DGKZ: variants seen among roughly 807,000 people sequenced by gnomAD.
The protein encoded by DGKZ is DAG kinase zeta.
DGKZ carries 45 observed loss-of-function variants against 142.5 expected under a neutral mutation model. The ratio of observed to expected loss-of-function variants is 0.32; its 90% CI spans 0.25 to 0.40. The LOEUF is 0.40. DGKZ is among the 10% of genes least tolerant of loss of function. The probability of loss-of-function intolerance (pLI) is 1.00; values close to 1 mark genes in which losing one functional copy is unlikely to be tolerated. For missense variants in DGKZ, 755 were observed against 1,306.5 expected, an observed-to-expected ratio of 0.58 and a Z score of 6.51; for synonymous variants, 442 against 527.0, an observed-to-expected ratio of 0.84 and a Z score of 2.21.
intron 1 of DGKZ, chr11:46,361,780 G>A: frequency 1.5e-6 from 1 of 671,396 alleles, no homozygotes; most frequent in South Asian, 6.6e-5. Flanking sequence ...GTGCGGGGAG[G>A]GTTGGATCCG....
At chr11:46,373,291 T>G (rs972804969) in intron 14 of DGKZ, among the ~76,000 whole-genome samples, 190 bp downstream of exon 14, 14 of 141,586 alleles carry the variant, frequency 9.9e-5, no homozygotes, top group African/African-American at 1.6e-4. Context: ...TTTTGTTTTT[T>G]TTTTTTTTTT....
intron 1 of DGKZ, chr11:46,365,538 A>G (rs945301281): frequency 9.1e-6 from 9 of 985,296 alleles, no homozygotes; most frequent in South Asian, 9.4e-5. Context: ...GGAGAGCCAG[A>G]CAGTGACTCT....
At chr11:46,347,262 G>C (rs1940728839), upstream of DGKZ, 10 of 971,502 alleles carry the variant, frequency 1.0e-5, no homozygotes, top group Non-Finnish European at 1.2e-5. The surrounding 1 kb of genome is among the most constrained non-coding windows in gnomAD (Gnocchi z 6.4). Flanking sequence ...AGGCGGGCCG[G>C]GCCGGGCTGG....
Position 46,375,650 on chromosome 11 carries a change from C to A in DGKZ, c.1910+19C>A. On this transcript the variant is annotated intron_variant, in intron 20 of 30. Coordinates refer to ENST00000527911, the Ensembl canonical transcript of DGKZ. Reference sequence around the variant, plus strand: ...ACAGCGAGTACGTCCCACCCTGCCACGTGCCCTGGGTGCCAAGGCCAGACC... The same window carrying A: ...ACAGCGAGTACGTCCCACCCTGCCAAGTGCCCTGGGTGCCAAGGCCAGACC... 1 of 1,540,886 alleles carries A rather than the reference C, an allele frequency of 6.5e-7. No homozygotes were observed. The highest frequency in any genetic ancestry group is 8.7e-7 in the Non-Finnish European group (1 of 1,147,522).
intron 1 of DGKZ, chr11:46,366,020 C>T (rs538635912): frequency 6.1e-6 from 6 of 985,380 alleles, no homozygotes; most frequent in South Asian, 4.7e-5. Context: ...CAGCTGTAAA[C>T]GTGGGCTCCC....
At position 46,367,117 on chromosome 11, in the gene DGKZ, G is replaced by T. The variant is rs187890828; in HGVS notation, c.162-174G>T. On this transcript the variant is annotated intron_variant, in intron 1 of 30. Coordinates refer to ENST00000527911, the Ensembl canonical transcript of DGKZ. This position sits in a 1 kb window ranked among gnomAD's most constrained non-coding sequence, Gnocchi z 4.1. Reference sequence around the variant, plus strand: ...CTCTGGGCAGTACCCTGAAGCCAGCGTACCCCAAAAGGCCATGTCTCTTGC... The same window carrying T: ...CTCTGGGCAGTACCCTGAAGCCAGCTTACCCCAAAAGGCCATGTCTCTTGC... 1,075 of 1,313,470 alleles carry T rather than the reference G, an allele frequency of 8.2e-4. 3 individuals carry two copies. The African/African-American group carries it at 0.015, about 18-fold the overall frequency. 81.4% of individuals were successfully genotyped at this position (1,313,470 alleles called of 1,614,324 possible).
At position 46,367,894 on chromosome 11, in the gene DGKZ, C is replaced by G; in HGVS notation, c.367-108C>G. ...GGGGTGCAGGGGCTTTGTCCGGATGCCAGGACTGGGGCTTCCCAGTGCACA... is the reference window on the plus strand; with the variant it reads ...GGGGTGCAGGGGCTTTGTCCGGATGGCAGGACTGGGGCTTCCCAGTGCACA... On this transcript the variant is annotated intron_variant, in intron 3 of 30. Transcript: ENST00000527911. The surrounding 1 kb of genome is among the most constrained non-coding windows in gnomAD (Gnocchi z 4.1). 6.6e-7 allele frequency: 1 copy of G among 1,519,504 alleles called. No individual in the cohort carries two copies. Among genetic ancestry groups the G allele is most frequent in the East Asian group, 2.3e-5 (1 of 44,306 alleles). 94.1% of individuals were successfully genotyped at this position (1,519,504 alleles called of 1,614,324 possible).
intron 1 of DGKZ, among the ~76,000 whole-genome samples, chr11:46,349,087 G>A (rs957181539): frequency 8.5e-5 from 13 of 152,140 alleles, no homozygotes; most frequent in Non-Finnish European, 7.3e-5. Flanking sequence ...CCCTCTACCC[G>A]TCTCACCCGG....
At chr11:46,340,840 A>G (rs1339539714) in intron 1 of DGKZ, among the ~76,000 whole-genome samples, 5 of 152,202 alleles carry the variant, frequency 3.3e-5, no homozygotes, top group Non-Finnish European at 4.4e-5. Flanking sequence ...ATGGGGAGGC[A>G]TGCACTTAAA....
At position 46,370,088 on chromosome 11, in the gene DGKZ, G is replaced by A. The variant is rs1009547365; in HGVS notation, c.570+79G>A. 21 of 1,559,518 alleles carry A rather than the reference G, an allele frequency of 1.3e-5. No homozygotes were observed. In the East Asian group the frequency reaches 2.0e-4, roughly 15 times the overall value. Reference sequence around the variant, plus strand: ...GGCCATGTGGCCGGTGTGGCCTGCCGATCACTGACCACACCCTGGTGTGCA... The same window carrying A: ...GGCCATGTGGCCGGTGTGGCCTGCCAATCACTGACCACACCCTGGTGTGCA... On this transcript the variant is annotated intron_variant, in intron 6 of 30. Coordinates refer to ENST00000527911, the Ensembl canonical transcript of DGKZ.
At chr11:46,334,476 G>A (rs1427291130) in intron 1 of DGKZ, among the ~76,000 whole-genome samples, 2 of 152,232 alleles carry the variant, frequency 1.3e-5, no homozygotes, top group African/African-American at 4.8e-5. Context: ...TTCTCCCAGT[G>A]GCTTCTGGGA....
chr11:46,365,484 A>T, intron 1 of DGKZ: 1 of 985,288 alleles, frequency 1.0e-6, no homozygotes, highest in South Asian at 4.7e-5. Context: ...GCCTATTGTC[A>T]CGGCCCCCTG....
At chr11:46,339,214 G>A (rs1031219928) in intron 1 of DGKZ, among the ~76,000 whole-genome samples, 4 of 152,166 alleles carry the variant, frequency 2.6e-5, no homozygotes, top group African/African-American at 4.8e-5. Context: ...CTCTCCCTGC[G>A]GCTATTTACC....
upstream of DGKZ, chr11:46,347,382 C>T: frequency 2.0e-6 from 2 of 984,088 alleles, no homozygotes; most frequent in Non-Finnish European, 2.4e-6. The surrounding 1 kb of genome is among the most constrained non-coding windows in gnomAD (Gnocchi z 6.4). Flanking sequence ...CCCGGTGCCA[C>T]CGTGCGGCCG....
At chr11:46,359,446 A>G (rs762520596) in intron 1 of DGKZ, among the ~76,000 whole-genome samples, 2 of 152,162 alleles carry the variant, frequency 1.3e-5, no homozygotes, top group Non-Finnish European at 2.9e-5. Flanking sequence ...ACTCCATCTC[A>G]AAAATAAAAT....
At chr11:46,351,050 G>A (rs1941322243) in intron 1 of DGKZ, among the ~76,000 whole-genome samples, 1 of 152,016 alleles carries the variant, frequency 6.6e-6, no homozygotes, top group African/African-American at 2.4e-5. Flanking sequence ...CAGAGGGCAG[G>A]CAGGACCTTT....
At chr11:46,344,583 A>G (rs1940451956), upstream of DGKZ, among the ~76,000 whole-genome samples, 1 of 151,534 alleles carries the variant, frequency 6.6e-6, no homozygotes, top group South Asian at 2.1e-4. Context: ...CCTCCCAAGT[A>G]GCTGTGATTA....
downstream of DGKZ, chr11:46,380,363 C>CG (rs1945079586): frequency 6.3e-6 from 1 of 159,586 alleles, no homozygotes; most frequent in Non-Finnish European, 1.4e-5. Flanking sequence ...CCACCTCCTC[C>CG]GGGCTTCCTC....
chr11:46,367,587 CG>C lies in DGKZ; in HGVS notation c.271-60del, dbSNP rs1943459020. ...TTTGTCTTGGGAGAGGGCGGGTGGG[CG>C]GGGGCTGATGGGAGGGAGGGCTGGG... On this transcript the variant is annotated intron_variant, in intron 2 of 30. Transcript: ENST00000527911. This position sits in a 1 kb window ranked among gnomAD's most constrained non-coding sequence, Gnocchi z 4.1. 3 of 1,053,832 alleles carry C rather than the reference CG, an allele frequency of 2.8e-6. No individual in the cohort carries two copies. Among genetic ancestry groups the C allele is most frequent in the African/African-American group, 6.7e-5 (2 of 30,062 alleles). 65.3% of individuals were successfully genotyped at this position (1,053,832 alleles called of 1,614,324 possible). A position where few individuals can be genotyped will look rare whatever the true frequency, so the allele number is the denominator to read the frequency against.
Sources: gnomAD v4.1 joint callset for allele counts (sites outside exome capture counted in the v4.1 genomes callset) on GRCh38, gnomAD v4.1.1 for gene constraint, Gnocchi (gnomAD v3.1) non-coding constraint, MANE v1.5 for transcripts, NCBI Gene and HGNC (gene_info 2026-07-23, HGNC 2026-07-21) for gene names.